The following GPM6A variants were observed in gnomAD, a reference collection of about 807,000 sequenced individuals.
GPM6A encodes neuronal membrane glycoprotein M6-a.
GPM6A carries 7 observed loss-of-function variants against 32.1 expected under a neutral mutation model. The observed-to-expected ratio is 0.22, with a 90% CI of 0.12 to 0.41. GPM6A has a LOEUF of 0.41. Ranked by LOEUF, GPM6A falls within the 10% of genes least tolerant of loss-of-function variation. The pLI, the probability that GPM6A is intolerant of heterozygous loss-of-function variation, is 1.00. For synonymous variants in GPM6A, 130 were observed against 123.4 expected, an observed-to-expected ratio of 1.05 and a Z score of -0.35; for missense variants, 235 against 347.2, an observed-to-expected ratio of 0.68 and a Z score of 2.57.
chr4:175,992,372 G>A (rs1485447534), intron 1 of GPM6A, among the ~76,000 whole-genome samples: 1 of 152,114 alleles, frequency 6.6e-6, no homozygotes, highest in South Asian at 2.1e-4. Flanking sequence ...AAATCTGGTT[G>A]AAGCCTTAGG....
chr4:175,961,044 A>T (rs1740147561), intron 1 of GPM6A, among the ~76,000 whole-genome samples: 1 of 152,228 alleles, frequency 6.6e-6, no homozygotes, highest in Non-Finnish European at 1.5e-5. Flanking sequence ...CCAATGTGCT[A>T]ATTTCTGAAA....
At chr4:175,825,501 C>T (rs1735405432) in intron 1 of GPM6A, among the ~76,000 whole-genome samples, 2 of 151,990 alleles carry the variant, frequency 1.3e-5, no homozygotes, top group Admixed American at 6.6e-5. Context: ...ATGTAAGAGG[C>T]CAAATAAACA....
At chr4:175,718,028 T>C (rs1745929764) in intron 1 of GPM6A, among the ~76,000 whole-genome samples, 1 of 152,240 alleles carries the variant, frequency 6.6e-6, no homozygotes, top group South Asian at 2.1e-4. Flanking sequence ...AATTTTAAGA[T>C]GCTTTCATTA....
chr4:175,759,930 A>G (rs931140535), intron 1 of GPM6A, among the ~76,000 whole-genome samples: 1 of 152,172 alleles, frequency 6.6e-6, no homozygotes, highest in Non-Finnish European at 1.5e-5. Flanking sequence ...ATGTAATCCT[A>G]GCACTTTGGG....
intron 1 of GPM6A, among the ~76,000 whole-genome samples, chr4:175,972,153 G>A (rs961260063): frequency 2.2e-4 from 34 of 152,014 alleles, no homozygotes; most frequent in Admixed American, 9.2e-4. Context: ...GAACCCCCGT[G>A]TAGCTCTAAA....
intron 3 of GPM6A, among the ~76,000 whole-genome samples, chr4:175,660,810 G>T (rs552833097): frequency 6.6e-5 from 10 of 152,200 alleles, no homozygotes; most frequent in African/African-American, 2.4e-4. Context: ...GCATATGCTG[G>T]TCTGATTTAT....
At chr4:175,640,002 T>G (rs1741043939) in intron 6 of GPM6A, 127 bp downstream of exon 6, 1 of 805,190 alleles carries the variant, frequency 1.2e-6, no homozygotes, top group Admixed American at 1.8e-5. Flanking sequence ...TTCCCTACTT[T>G]TTTTAATCTG....
At chr4:175,972,076 T>C (rs1305105954) in intron 1 of GPM6A, 1 of 152,190 alleles carries the variant, frequency 6.6e-6, no homozygotes, top group Non-Finnish European at 1.5e-5. Flanking sequence ...GTGCTACTAT[T>C]CATTCTTCCC....
chr4:175,901,730 A>C (rs1176616057), intron 1 of GPM6A, among the ~76,000 whole-genome samples: 1 of 147,286 alleles, frequency 6.8e-6, no homozygotes, highest in African/African-American at 2.5e-5. Flanking sequence ...CAGTTCAAGC[A>C]ATTCTCCTAT....
chr4:175,838,106 CACACAG>C (rs1381627206), intron 1 of GPM6A, among the ~76,000 whole-genome samples: 19 of 61,746 alleles, frequency 3.1e-4, no homozygotes, highest in South Asian at 2.0e-3. Context: ...CACACACACA[CACACAG>C]ACACACACAC....
At chr4:175,808,192 C>T (rs1166241481) in intron 1 of GPM6A, among the ~76,000 whole-genome samples, 2 of 152,028 alleles carry the variant, frequency 1.3e-5, no homozygotes, top group Non-Finnish European at 2.9e-5. Flanking sequence ...CTTACACACA[C>T]AAAAAATGTC....
intron 1 of GPM6A, among the ~76,000 whole-genome samples, chr4:175,782,742 G>C (rs1308161698): frequency 2.6e-5 from 4 of 152,058 alleles, no homozygotes; most frequent in East Asian, 3.9e-4. Context: ...ATTGGACATA[G>C]CTTAAGAAAT....
intron 3 of GPM6A, among the ~76,000 whole-genome samples, chr4:175,671,948 T>C (rs1434850886): frequency 3.3e-5 from 5 of 149,872 alleles, no homozygotes; most frequent in Non-Finnish European, 7.4e-5. Flanking sequence ...TTCTGGTCTG[T>C]TGGGTGGGAC....
intron 1 of GPM6A, among the ~76,000 whole-genome samples, chr4:175,805,553 T>C (rs1350743662): frequency 6.6e-6 from 1 of 152,208 alleles, no homozygotes; most frequent in East Asian, 1.9e-4. Context: ...AATTCCTCTC[T>C]TTGATGGAGG....
intron 1 of GPM6A, among the ~76,000 whole-genome samples, chr4:175,784,984 T>C (rs1390343): frequency 0.43 from 65,405 of 152,078 alleles, 15,827 homozygotes; most frequent in East Asian, 0.88. Flanking sequence ...CCTTTCTGTA[T>C]GTGCATGCTG....
chr4:175,919,258 T>C (rs989651019), intron 1 of GPM6A, among the ~76,000 whole-genome samples: 7 of 152,146 alleles, frequency 4.6e-5, no homozygotes, highest in Non-Finnish European at 7.4e-5. Context: ...TAAAATATAA[T>C]GAGTTTTTTT....
chr4:175,945,880 ACGGGTG>A (rs1429066080), intron 1 of GPM6A, among the ~76,000 whole-genome samples: 3 of 147,628 alleles, frequency 2.0e-5, no homozygotes, highest in Non-Finnish European at 4.5e-5. Flanking sequence ...ACTCAGTAAT[ACGGGTG>A]CATATTACGT....
intron 1 of GPM6A, among the ~76,000 whole-genome samples, chr4:175,706,767 T>C (rs1745215828): frequency 6.6e-6 from 1 of 152,094 alleles, no homozygotes. Flanking sequence ...GGGTTAGGTA[T>C]TCTAAGTCAC....
chr4:175,806,775 G>A (rs1734713191), intron 1 of GPM6A: 1 of 152,218 alleles, frequency 6.6e-6, no homozygotes, highest in Non-Finnish European at 1.5e-5. Context: ...TTCAGGTTAA[G>A]CACAATGCTA....
Sources: gnomAD v4.1 joint callset for allele counts (sites outside exome capture counted in the v4.1 genomes callset) on GRCh38, gnomAD v4.1.1 for gene constraint, MANE v1.5 for transcripts, NCBI Gene and HGNC (gene_info 2026-07-23, HGNC 2026-07-21) for gene names.